The following FAM131A variants were observed in gnomAD, a reference collection of about 807,000 sequenced individuals.
FAM131A encodes the protein family with sequence similarity 131 member A.
In FAM131A, 24 loss-of-function variants were observed where a neutral mutation model predicts 39.2. That is an observed-to-expected ratio of 0.61 (90% CI 0.44 to 0.86). The LOEUF (loss-of-function observed/expected upper bound fraction) is 0.86, where lower values mean the gene tolerates loss of function less well. Among genes scored for constraint, FAM131A ranks in the 40% least tolerant of loss-of-function variants. FAM131A has a pLI of 0.00. For synonymous variants in FAM131A, 202 were observed against 206.8 expected, an observed-to-expected ratio of 0.98 and a Z score of 0.20; for missense variants, 373 against 481.2, an observed-to-expected ratio of 0.78 and a Z score of 2.10.
Position 184,345,355 on chromosome 3 carries a change from C to A in FAM131A, c.*385C>A, listed in dbSNP as rs915983564. On this transcript the variant is annotated 3_prime_UTR_variant, in exon 6 of 6. Transcript: ENST00000383847. ...GGTGGGAGGGGGCCCAGCAACCCCC[C>A]ACCCTCCCCATGCCTCTCTCTTCTC... 6.7e-6 allele frequency: 4 copies of A among 600,948 alleles called. No homozygotes were observed. The highest frequency in any genetic ancestry group is 3.7e-5 in the African/African-American group (2 of 53,634). 37.2% of individuals were successfully genotyped at this position (600,948 alleles called of 1,614,324 possible).
At chr3:184,336,413 C>T (rs562180982), upstream of FAM131A, among the ~76,000 whole-genome samples, 96 of 152,292 alleles carry the variant, frequency 6.3e-4, no homozygotes, top group Middle Eastern at 3.4e-3. This position sits in a 1 kb window ranked among gnomAD's most constrained non-coding sequence, Gnocchi z 5.5. Context: ...ACGCACAGCC[C>T]CGGGAGGGGC....
At chr3:184,344,005 G>T (rs1358805069) in intron 5 of FAM131A, among the ~76,000 whole-genome samples, 2 of 151,368 alleles carry the variant, frequency 1.3e-5, no homozygotes, top group African/African-American at 2.4e-5. Context: ...TTTTTTTTGA[G>T]ACGGAGTTTC....
chr3:184,344,078 C>T (rs1452706728), intron 5 of FAM131A, among the ~76,000 whole-genome samples: 1 of 152,172 alleles, frequency 6.6e-6, no homozygotes. Flanking sequence ...CTCCGCCTCC[C>T]AGGTTCAAGT....
At chr3:184,344,084 C>G (rs1727497376) in intron 5 of FAM131A, among the ~76,000 whole-genome samples, 2 of 152,168 alleles carry the variant, frequency 1.3e-5, no homozygotes, top group South Asian at 4.1e-4. Context: ...CTCCCAGGTT[C>G]AAGTGATTCT....
rs1727634715 is a variant in FAM131A at position 184,345,905 on chromosome 3, A to G, written c.*935A>G. On this transcript the variant is annotated 3_prime_UTR_variant, in exon 6 of 6. Coordinates refer to ENST00000383847, the MANE Select transcript of FAM131A (RefSeq NM_144635.5). ...CCTGCTGAGAGGCAGGAATTGTGCC[A>G]GTGAGTGACAGTCATGAGGGAGTGT... 11 of 390,732 alleles carry G rather than the reference A, an allele frequency of 2.8e-5. No individual in the cohort carries two copies. Among genetic ancestry groups the G allele is most frequent in the Non-Finnish European group, 5.0e-5 (11 of 219,154 alleles). 24.2% of individuals were successfully genotyped at this position (390,732 alleles called of 1,614,324 possible). A position where few individuals can be genotyped will look rare whatever the true frequency, so the allele number is the denominator to read the frequency against.
At position 184,338,117 on chromosome 3, in the gene FAM131A, T is replaced by C. The variant is rs553219931; in HGVS notation, c.89-270T>C. 4.0e-5 allele frequency among the ~76,000 whole-genome samples: 6 copies of C among 151,862 alleles called. No individual in the cohort carries two copies. The East Asian group carries it at 1.2e-3, about 30-fold the overall frequency. On this transcript the variant is annotated intron_variant, in intron 1 of 5. Transcript: ENST00000383847. ...GGGAAACGGGAAGGAGAGTCAGAAT[T>C]TATCATTGTTTGGTTTCACCCTAGG...
chr3:184,341,090 T>C (rs1727351045), intron 2 of FAM131A: 1 of 155,088 alleles, frequency 6.4e-6, no homozygotes, highest in Non-Finnish European at 1.4e-5. Flanking sequence ...GCAGTAGCAG[T>C]AGAAAGGACA....
intron 2 of FAM131A, chr3:184,341,450 G>A: frequency 1.9e-6 from 1 of 523,218 alleles, no homozygotes; most frequent in South Asian, 2.2e-5. Context: ...TTCATTTCCT[G>A]CCCTGCCTCC....
chr3:184,341,614 GTTCC>G (rs1278840572), intron 2 of FAM131A, 106 bp from the exon 3 acceptor site: 1 of 821,522 alleles, frequency 1.2e-6, no homozygotes, highest in Non-Finnish European at 2.0e-6. Flanking sequence ...CATATGTGGT[GTTCC>G]TTCCTAGCTC....
At position 184,342,045 on chromosome 3, in the gene FAM131A, T is replaced by C. The variant is rs1274146456; in HGVS notation, c.326-21T>C. 3 of 1,614,030 alleles carry C rather than the reference T, an allele frequency of 1.9e-6. No individual in the cohort carries two copies. The highest frequency in any genetic ancestry group is 1.7e-5 in the Admixed American group (1 of 60,002). On this transcript the variant is annotated intron_variant, in intron 3 of 5. Transcript: ENST00000383847. This position sits in a 1 kb window ranked among gnomAD's most constrained non-coding sequence, Gnocchi z 4.6. ...CTGGCCTGGTCCTTTACCAGGCTTCTCCACCCTCCCCTATCTCCAGGTATT... is the reference window on the plus strand; with the variant it reads ...CTGGCCTGGTCCTTTACCAGGCTTCCCCACCCTCCCCTATCTCCAGGTATT...
upstream of FAM131A, chr3:184,337,497 T>A (rs1727172797): frequency 1.3e-6 from 1 of 756,256 alleles, no homozygotes; most frequent in African/African-American, 1.7e-5. Context: ...AGGAATGTTC[T>A]CCTTATGTGA....
rs529758058 is a variant in FAM131A at position 184,344,922 on chromosome 3, T to G, written c.1053T>G (p.Ser351=). 11 of 1,603,262 alleles carry G rather than the reference T, an allele frequency of 6.9e-6. No individual in the cohort carries two copies. The Admixed American group carries it at 1.8e-4, about 27-fold the overall frequency. Residue 351 remains serine (S), a synonymous_variant, in exon 6 of 6, where the codon TCT becomes TCG. Transcript: ENST00000383847. ...GGCAAGCCTCTGACCTGGCCTCTTC[T>G]GGGGTGGTGTCCTTAGATGAGGATG... ...RQRQASDLAS[S]GVVSLDEDEA... is the part of the protein sequence containing the mutation.
Position 184,337,736 on chromosome 3 carries a change from G to A in FAM131A, c.88+18G>A, listed in dbSNP as rs958819728. On this transcript the variant is annotated intron_variant, in intron 1 of 5. Transcript: ENST00000383847. ...TCGCAGAGGTGAGACCAGGGATCATGGATGTGATCTGGGAGATGATGGGAA... is the reference window on the plus strand; with the variant it reads ...TCGCAGAGGTGAGACCAGGGATCATAGATGTGATCTGGGAGATGATGGGAA... The A allele has an allele frequency of 5.9e-6, 9 of 1,535,766 alleles. No individual in the cohort carries two copies. Among genetic ancestry groups the A allele is most frequent in the African/African-American group, 1.4e-5 (1 of 72,994 alleles).
chr3:184,342,277 C>A lies in FAM131A; in HGVS notation c.508+29C>A. 1 of 1,557,984 alleles carries A rather than the reference C, an allele frequency of 6.4e-7. No individual in the cohort carries two copies. Among genetic ancestry groups the A allele is most frequent in the Non-Finnish European group, 8.7e-7 (1 of 1,155,864 alleles). On this transcript the variant is annotated intron_variant, in intron 4 of 5. Coordinates refer to ENST00000383847, the MANE Select transcript of FAM131A (RefSeq NM_144635.5). The surrounding 1 kb of genome is among the most constrained non-coding windows in gnomAD (Gnocchi z 4.6). ...GATGGCAGAAAGGGGATAAGCTACACTCTTGGCACAGGGCTGCTTTCTTTC... is the reference window on the plus strand; with the variant it reads ...GATGGCAGAAAGGGGATAAGCTACAATCTTGGCACAGGGCTGCTTTCTTTC...
intron 5 of FAM131A, chr3:184,343,122 CAAA>C (rs3064291): frequency 3.9e-4 from 41 of 105,620 alleles, no homozygotes; most frequent in East Asian, 1.7e-3. Flanking sequence ...TTGCAGTCCT[CAAA>C]AAAAAAAAAA....
At chr3:184,338,632 C>A in intron 2 of FAM131A, 103 bp downstream of exon 2, 1 of 1,457,082 alleles carries the variant, frequency 6.9e-7, no homozygotes, top group Non-Finnish European at 9.1e-7. Flanking sequence ...CTCCCTTTTC[C>A]GGCGGGCGGA....
At position 184,344,613 on chromosome 3, in the gene FAM131A, G is replaced by A. The variant is rs1356914099; in HGVS notation, c.744G>A (p.Val248=). The A allele has an allele frequency of 3.1e-6, 5 of 1,612,794 alleles. No homozygotes were observed. In the Admixed American group the frequency reaches 8.3e-5, roughly 27 times the overall value. Reference sequence around the variant, plus strand: ...CTGAGAGCGACTGCTCACAGACCGTGTCCCCAGACACCCTGTGCTCTAGTC... The same window carrying A: ...CTGAGAGCGACTGCTCACAGACCGTATCCCCAGACACCCTGTGCTCTAGTC... ...VEPESDCSQT[V]SPDTLCSSLC... is the part of the protein sequence containing the mutation. Residue 248 remains valine, a synonymous_variant, in exon 6 of 6, where the codon GTG becomes GTA. Coordinates refer to ENST00000383847, the MANE Select transcript of FAM131A (RefSeq NM_144635.5).
rs566573672 is a variant in FAM131A, at chr3:184,342,019, C to T, written c.326-47C>T. The T allele has an allele frequency of 6.2e-7, 1 of 1,611,344 alleles. No individual in the cohort carries two copies. Among genetic ancestry groups the T allele is most frequent in the East Asian group, 2.2e-5 (1 of 44,862 alleles). ...CTTCCACCTCCCTGCACCTGTGCTC[C>T]CTGGCCTGGTCCTTTACCAGGCTTC... On this transcript the variant is annotated intron_variant, in intron 3 of 5. Coordinates refer to ENST00000383847, the MANE Select transcript of FAM131A (RefSeq NM_144635.5). The surrounding 1 kb of genome is among the most constrained non-coding windows in gnomAD (Gnocchi z 4.6).
chr3:184,338,756 G>T, intron 2 of FAM131A: 1 of 515,854 alleles, frequency 1.9e-6, no homozygotes, highest in Non-Finnish European at 3.4e-6. Context: ...CGCATCCCGG[G>T]CCGTATCCCG....
Sources: gnomAD v4.1 joint callset for allele counts (sites outside exome capture counted in the v4.1 genomes callset) on GRCh38, gnomAD v4.1.1 for gene constraint, Gnocchi (gnomAD v3.1) non-coding constraint, MANE v1.5 for transcripts, NCBI Gene and HGNC (gene_info 2026-07-23, HGNC 2026-07-21) for gene names.